The following MNX1 variants were observed in gnomAD, a reference collection of about 807,000 sequenced individuals.
MNX1 encodes motor neuron and pancreas homeobox protein 1.
Under a neutral mutation model 17.3 loss-of-function variants are expected in MNX1, and 2 were observed. The ratio of observed to expected loss-of-function variants is 0.12; its 90% CI spans 0.05 to 0.36. The LOEUF is 0.36. Among genes scored for constraint, MNX1 ranks in the 10% least tolerant of loss-of-function variants. The pLI is 1.00. For missense variants in MNX1, 556 were observed against 564.7 expected (o/e 0.98, Z 0.16); for synonymous variants, 306 against 283.1 (o/e 1.08, Z -0.81).
intron 1 of MNX1, chr7:157,008,807 C>T (rs1563701609): frequency 1.6e-6 from 1 of 614,934 alleles, no homozygotes; most frequent in East Asian, 2.8e-5. Context: ...GCGGGGAGAG[C>T]CAGAGCCCCA....
In MNX1 at chr7:157,006,055, A is replaced by C. The variant is rs1320986102; in HGVS notation, c.853-182T>G. ...AGCTTCCTCCTCCCCGCAACCCCCC[A>C]CTCAGCAGCAAACCCCAGAGCTGGG... On this transcript the variant is annotated intron_variant, in intron 2 of 2. Coordinates refer to ENST00000252971, the MANE Select transcript of MNX1 (RefSeq NM_005515.4). The surrounding 1 kb of genome is among the most constrained non-coding windows in gnomAD (Gnocchi z 6.3). Among the ~76,000 whole-genome samples the C allele has an allele frequency of 6.6e-6, 1 of 151,560 alleles. No homozygotes were observed. The highest frequency in any genetic ancestry group is 1.5e-5 in the Non-Finnish European group (1 of 67,878).
chr7:157,005,800 T>G lies in MNX1; in HGVS notation c.926A>C (p.Glu309Ala), dbSNP rs775589283. 1.2e-6 allele frequency: 2 copies of G among 1,611,912 alleles called. No homozygotes were observed. The highest frequency in any genetic ancestry group is 1.7e-6 in the Non-Finnish European group (2 of 1,179,780). ...SKKAKEQAAQ[E>A]AEKQKGGGGG... ...GCCGCCGCCCTTCTGTTTCTCCGCT[T>G]CCTGCGCCGCCTGCTCTTTGGCCTT... Residue 309 changes from glutamate (E) to alanine (A), a missense_variant, in exon 3 of 3, where the codon GAA becomes GCA. Transcript: ENST00000252971.
At chr7:157,009,302 C>A in intron 1 of MNX1, 1 of 1,419,504 alleles carries the variant, frequency 7.0e-7, no homozygotes, top group East Asian at 2.6e-5. Flanking sequence ...TAAGCCCTGA[C>A]CCCCATTCCC....
chr7:157,009,184 C>A (rs1314213216), intron 1 of MNX1: 1 of 1,469,330 alleles, frequency 6.8e-7, no homozygotes, highest in Admixed American at 2.4e-5. Context: ...GCCTCCGAAG[C>A]CCATTTCTCT....
At chr7:157,009,246 C>T in intron 1 of MNX1, 5 of 1,430,422 alleles carry the variant, frequency 3.5e-6, no homozygotes, top group Non-Finnish European at 3.6e-6. Context: ...GCGGGTCTCT[C>T]TAACGCCCCA....
At chr7:157,008,978 C>G in intron 1 of MNX1, 1 of 1,536,924 alleles carries the variant, frequency 6.5e-7, no homozygotes. Flanking sequence ...TCGGCCCCAC[C>G]TTGGAGGGGC....
In MNX1 at chr7:157,006,506, G is replaced by T; in HGVS notation, c.825C>A (p.Ala275=). The change falls in exon 2 of 3, where the codon GCC becomes GCA. Residue 275 remains alanine (A), a synonymous_variant. Transcript: ENST00000252971. The surrounding 1 kb of genome is among the most constrained non-coding windows in gnomAD (Gnocchi z 6.3). The part of the protein sequence containing the change: ...YLSRPKRFEV[A]TSLMLTETQV... ...GGGTCTCGGTGAGCATGAGCGAGGT[G>T]GCCACCTCGAAGCGCTTGGGCCGCG... The T allele has an allele frequency of 6.2e-7, 1 of 1,611,262 alleles. No homozygotes were observed. Among genetic ancestry groups the T allele is most frequent in the Non-Finnish European group, 8.5e-7 (1 of 1,179,398 alleles).
chr7:157,009,288 G>T lies in MNX1; in HGVS notation c.691+372C>A. ...GACCTGGCCCAAGTTCCTTTCCCCG[G>T]TGATAAGCCCTGACCCCCATTCCCG... On this transcript the variant is annotated intron_variant, in intron 1 of 2. Transcript: ENST00000252971. 6.3e-6 allele frequency: 9 copies of T among 1,418,860 alleles called. No individual in the cohort carries two copies. In the South Asian group the frequency reaches 1.4e-4, roughly 23 times the overall value. The allele number at this position is 1,418,860 out of a possible 1,614,324, so 87.9% of individuals were successfully genotyped here. A position where few individuals can be genotyped will look rare whatever the true frequency, so the allele number is the denominator to read the frequency against.
intron 1 of MNX1, chr7:157,008,716 T>C (rs1234665479): frequency 6.2e-6 from 3 of 485,576 alleles, no homozygotes; most frequent in Admixed American, 3.5e-5. Flanking sequence ...GTCTCTTTGT[T>C]TGGGTGTTCG....
Position 157,005,519 on chromosome 7 carries a change from C to A in MNX1, c.*1G>T. ...GCCGCACCTGCTGGGCCGCGGGGCTCCTACTGGGGCGCGGGCTGGTGGCTG... is the reference window on the plus strand; with the variant it reads ...GCCGCACCTGCTGGGCCGCGGGGCTACTACTGGGGCGCGGGCTGGTGGCTG... On this transcript the variant is annotated 3_prime_UTR_variant, in exon 3 of 3. Transcript: ENST00000252971. 1 of 1,473,400 alleles carries A rather than the reference C, an allele frequency of 6.8e-7. No homozygotes were observed. The highest frequency in any genetic ancestry group is 8.9e-7 in the Non-Finnish European group (1 of 1,117,666). The allele number at this position is 1,473,400 out of a possible 1,614,324, so 91.3% of individuals were successfully genotyped here. A position where few individuals can be genotyped will look rare whatever the true frequency, so the allele number is the denominator to read the frequency against.
rs143260934 is a variant in MNX1 at position 157,005,314 on chromosome 7, G to A, written c.*206C>T. The A allele has an allele frequency of 7.9e-4, 226 of 287,106 alleles. No individual in the cohort carries two copies. Among genetic ancestry groups the A allele is most frequent in the African/African-American group, 4.5e-3 (207 of 45,632 alleles). 17.8% of individuals were successfully genotyped at this position (287,106 alleles called of 1,614,324 possible). A position where few individuals can be genotyped will look rare whatever the true frequency, so the allele number is the denominator to read the frequency against. Reference sequence around the variant, plus strand: ...CCTCTCGCTGTTTCTTGAAGAGCAGGTGAGGCGCCCTTGCTTAAAAGGGAA... The same window carrying A: ...CCTCTCGCTGTTTCTTGAAGAGCAGATGAGGCGCCCTTGCTTAAAAGGGAA... On this transcript the variant is annotated 3_prime_UTR_variant, in exon 3 of 3. Coordinates refer to ENST00000252971, the MANE Select transcript of MNX1 (RefSeq NM_005515.4).
Position 157,009,844 on chromosome 7 carries a change from CGCCGCG to C in MNX1, c.501_506del (p.Ala173_Ala174del). ...GGCCCGCCAGCGCAGCCGCCGCCGCCGCCGCGGAGTAGCCGTAGACCGGGTGGCCGT... is the reference window on the plus strand; with the variant it reads ...GGCCCGCCAGCGCAGCCGCCGCCGCCGAGTAGCCGTAGACCGGGTGGCCGT... On this transcript the variant is annotated inframe_deletion, in exon 1 of 3. Transcript: ENST00000252971. The C allele has an allele frequency of 6.6e-7, 1 of 1,511,704 alleles. No individual in the cohort carries two copies. The highest frequency in any genetic ancestry group is 8.8e-7 in the Non-Finnish European group (1 of 1,138,068). 93.6% of individuals were successfully genotyped at this position (1,511,704 alleles called of 1,614,324 possible).
rs2134838341 is a variant in MNX1, at chr7:157,005,727, C to T, written c.999G>A (p.Leu333=). The part of the protein sequence containing the change: ...GGAEEPGAEE[L]LGPPAPGDKG... ...TGTCTCCGGGCGCTGGCGGCCCCAG[C>T]AGCTCCTCGGCTCCCGGCTCCTCCG... The change falls in exon 3 of 3, where the codon CTG becomes CTA. Residue 333 remains leucine (L), a synonymous_variant. Transcript: ENST00000252971. 1 of 1,609,810 alleles carries T rather than the reference C, an allele frequency of 6.2e-7. No homozygotes were observed. The highest frequency in any genetic ancestry group is 1.3e-5 in the African/African-American group (1 of 74,972).
At position 157,009,364 on chromosome 7, in the gene MNX1, T is replaced by G. The variant is rs150187857; in HGVS notation, c.691+296A>C. The G allele has an allele frequency of 5.5e-5, 78 of 1,414,636 alleles. No homozygotes were observed. The East Asian group carries it at 2.0e-3, about 36-fold the overall frequency. 87.6% of individuals were successfully genotyped at this position (1,414,636 alleles called of 1,614,324 possible). On this transcript the variant is annotated intron_variant, in intron 1 of 2. Transcript: ENST00000252971. ...GGCTCGCCTTCCCCCGGCGACTTCCTTCTCCTGCAGCCTTCGGGTTAATCA... is the reference window on the plus strand; with the variant it reads ...GGCTCGCCTTCCCCCGGCGACTTCCGTCTCCTGCAGCCTTCGGGTTAATCA...
At position 157,005,734 on chromosome 7, in the gene MNX1, T is replaced by TCGGCTCC. The variant is rs1166276823; in HGVS notation, c.985_991dup (p.Glu331GlyfsTer27). 1 of 1,609,358 alleles carries TCGGCTCC rather than the reference T, an allele frequency of 6.2e-7. No homozygotes were observed. On this transcript the variant is annotated frameshift_variant, in exon 3 of 3. Coordinates refer to ENST00000252971, the MANE Select transcript of MNX1 (RefSeq NM_005515.4). LOFTEE classifies it low-confidence loss of function (END_TRUNC). ...GGGCGCTGGCGGCCCCAGCAGCTCC[T>TCGGCTCC]CGGCTCCCGGCTCCTCCGCGCCGCC...
chr7:157,006,518 G>A lies in MNX1; in HGVS notation c.813C>T (p.Arg271=), dbSNP rs1805602402. The A allele has an allele frequency of 3.7e-6, 6 of 1,611,218 alleles. No homozygotes were observed. Among genetic ancestry groups the A allele is most frequent in the Non-Finnish European group, 5.1e-6 (6 of 1,179,384 alleles). Residue 271 remains arginine (R), a synonymous_variant, in exon 2 of 3, where the codon CGC becomes CGT. Transcript: ENST00000252971. The surrounding 1 kb of genome is among the most constrained non-coding windows in gnomAD (Gnocchi z 6.3). ...KLNKYLSRPK[R]FEVATSLMLT... ...GCATGAGCGAGGTGGCCACCTCGAAGCGCTTGGGCCGCGACAGGTACTTGT... is the reference window on the plus strand; with the variant it reads ...GCATGAGCGAGGTGGCCACCTCGAAACGCTTGGGCCGCGACAGGTACTTGT...
chr7:157,009,257 G>A lies in MNX1; in HGVS notation c.691+403C>T, dbSNP rs1235897443. The A allele has an allele frequency of 2.1e-6, 3 of 1,423,588 alleles. 1 individual carries two copies. The highest frequency in any genetic ancestry group is 3.2e-5 in the South Asian group (2 of 63,484). The allele number at this position is 1,423,588 out of a possible 1,614,324, so 88.2% of individuals were successfully genotyped here. A position where few individuals can be genotyped will look rare whatever the true frequency, so the allele number is the denominator to read the frequency against. Reference sequence around the variant, plus strand: ...GGCCGCGGGTCTCTCTAACGCCCCAGTGGGGGACCTGGCCCAAGTTCCTTT... The same window carrying A: ...GGCCGCGGGTCTCTCTAACGCCCCAATGGGGGACCTGGCCCAAGTTCCTTT... On this transcript the variant is annotated intron_variant, in intron 1 of 2. Coordinates refer to ENST00000252971, the MANE Select transcript of MNX1 (RefSeq NM_005515.4).
chr7:157,009,052 T>G, intron 1 of MNX1: 1 of 1,536,906 alleles, frequency 6.5e-7, no homozygotes, highest in Non-Finnish European at 8.7e-7. Flanking sequence ...AGTCCCCCCA[T>G]AGCTGGTTCA....
chr7:157,009,208 T>G, intron 1 of MNX1: 1 of 1,450,966 alleles, frequency 6.9e-7, no homozygotes, highest in South Asian at 1.4e-5. Flanking sequence ...TTGCTGCTCC[T>G]GAAGCACTCC....
Sources: allele counts gnomAD v4.1 joint callset (sites outside exome capture counted in the v4.1 genomes callset), GRCh38; gene constraint gnomAD v4.1.1; non-coding constraint Gnocchi (gnomAD v3.1); transcripts MANE v1.5; gene names NCBI Gene and HGNC (gene_info 2026-07-23, HGNC 2026-07-21).